MRPL42: variants seen among roughly 807,000 people sequenced by gnomAD.
MRPL42 encodes the protein mitochondrial ribosomal protein L42, also known as large ribosomal subunit protein mL42.
In MRPL42, 17 loss-of-function variants were observed where a neutral mutation model predicts 17.9. That is an observed-to-expected ratio of 0.95 (90% CI 0.65 to 1.42). MRPL42 has a LOEUF of 1.42. MRPL42 is among the 40% of genes most tolerant of loss of function. The pLI is 0.00. For missense variants in MRPL42, 177 were observed against 175.2 expected (o/e 1.01, Z -0.06); for synonymous variants, 59 against 54.4 (o/e 1.08, Z -0.37).
chr12:93,484,977 CACATATATATATATATATATAT>C lies in MRPL42; in HGVS notation c.220-2518_220-2497del, dbSNP rs1246798938. ...TTTTTAAAAAACACACACACACACA[CACATATATATATATATATATAT>C]ATATATATATATATATATATATATA... On this transcript the variant is annotated intron_variant, in intron 4 of 5. Coordinates refer to ENST00000549982, the MANE Select transcript of MRPL42 (RefSeq NM_014050.4). 2.8e-3 allele frequency among the ~76,000 whole-genome samples: 81 copies of C among 28,604 alleles called. 8 individuals are homozygous for C. Among genetic ancestry groups the C allele is most frequent in the African/African-American group, 5.9e-3 (63 of 10,658 alleles). The allele number at this position is 28,604 out of a possible 152,430, so 18.8% of individuals were successfully genotyped here. A position where few individuals can be genotyped will look rare whatever the true frequency, so the allele number is the denominator to read the frequency against.
At chr12:93,490,272 A>G (rs905567323) in intron 5 of MRPL42, among the ~76,000 whole-genome samples, 2 of 152,164 alleles carry the variant, frequency 1.3e-5, no homozygotes, top group African/African-American at 4.8e-5. Context: ...GTTTAATCTT[A>G]TTTACTTAAT....
intron 5 of MRPL42, among the ~76,000 whole-genome samples, chr12:93,495,918 G>A (rs1398183751): frequency 6.6e-6 from 1 of 152,150 alleles, no homozygotes; most frequent in Non-Finnish European, 1.5e-5. Context: ...TTTCAAAGAG[G>A]AACTGAACAC....
chr12:93,496,645 A>T (rs925812465), intron 5 of MRPL42, among the ~76,000 whole-genome samples: 1 of 64,428 alleles, frequency 1.6e-5, no homozygotes, highest in Non-Finnish European at 4.0e-5. Flanking sequence ...AGATTAGGTA[A>T]AAAAAAAAAA....
chr12:93,478,910 T>TGTTA (rs1880317172), intron 3 of MRPL42, among the ~76,000 whole-genome samples: 2 of 91,370 alleles, frequency 2.2e-5, no homozygotes, highest in African/African-American at 5.8e-5. Flanking sequence ...TAATTTTAGC[T>TGTTA]TTTATTTATT....
Position 93,501,412 on chromosome 12 carries a change from T to G in MRPL42, c.*191T>G. 1 of 399,366 alleles carries G rather than the reference T, an allele frequency of 2.5e-6. No individual in the cohort carries two copies. The highest frequency in any genetic ancestry group is 9.8e-5 in the South Asian group (1 of 10,174). The allele number at this position is 399,366 out of a possible 1,614,324, so 24.7% of individuals were successfully genotyped here. A position where few individuals can be genotyped will look rare whatever the true frequency, so the allele number is the denominator to read the frequency against. ...CATTTAGAGAAACCTATTTTCTTTT[T>G]TCTTTTTCTATTTTAGTGTTTCATT... is the stretch of plus-strand genomic sequence containing the variant. On this transcript the variant is annotated 3_prime_UTR_variant, in exon 6 of 6. Transcript: ENST00000549982.
In MRPL42 at chr12:93,514,692, T is replaced by A. The variant is rs1186020204; in HGVS notation, c.*13471T>A. Reference sequence around the variant, plus strand: ...TCTATATGAAATAAATTTACTCCTATTTGAAAATATTTGTCATATTCCTTC... The same window carrying A: ...TCTATATGAAATAAATTTACTCCTAATTGAAAATATTTGTCATATTCCTTC... On this transcript the variant is annotated 3_prime_UTR_variant, in exon 6 of 6. Transcript: ENST00000549982. 2 of 152,352 alleles carry A rather than the reference T, an allele frequency of 1.3e-5. No individual in the cohort carries two copies. The allele number at this position is 152,352 out of a possible 1,614,324, so 9.4% of individuals were successfully genotyped here.
rs1421365887 is a variant in MRPL42 at position 93,505,533 on chromosome 12, C to T, written c.*4312C>T. ...AAGTTCAAAATAACTTGCTCATAGT[C>T]TTCCCAAAATAATTTTCAAACATTC... On this transcript the variant is annotated 3_prime_UTR_variant, in exon 6 of 6. Transcript: ENST00000549982. 6.6e-6 allele frequency: 1 copy of T among 151,930 alleles called. No homozygotes were observed. Among genetic ancestry groups the T allele is most frequent in the Non-Finnish European group, 1.5e-5 (1 of 67,990 alleles). 9.4% of individuals were successfully genotyped at this position (151,930 alleles called of 1,614,324 possible).
At chr12:93,469,979 CTT>C (rs5800107) in intron 2 of MRPL42, among the ~76,000 whole-genome samples, 219 of 145,796 alleles carry the variant, frequency 1.5e-3, no homozygotes, top group Admixed American at 1.8e-3. Flanking sequence ...GTATTTCTCT[CTT>C]TTTTTTTTTT....
At chr12:93,487,798 C>CTT (rs139138639) in intron 5 of MRPL42, 138 bp downstream of exon 5, 1,191 of 667,570 alleles carry the variant, frequency 1.8e-3, no homozygotes, top group Non-Finnish European at 2.2e-3. Context: ...CTATGTTGTA[C>CTT]TTTTTTTTTC....
chr12:93,478,590 C>T (rs1327278950), intron 3 of MRPL42, among the ~76,000 whole-genome samples: 2 of 152,030 alleles, frequency 1.3e-5, no homozygotes, highest in Non-Finnish European at 2.9e-5. Flanking sequence ...ACTATAATAG[C>T]GATGAAATTG....
chr12:93,475,229 C>G (rs2121177323), intron 2 of MRPL42, among the ~76,000 whole-genome samples: 1 of 151,958 alleles, frequency 6.6e-6, no homozygotes, highest in East Asian at 1.9e-4. Context: ...ATTCTCCTGT[C>G]TTAGCCTCCC....
At position 93,503,382 on chromosome 12, in the gene MRPL42, AT is replaced by A. The variant is rs34413435; in HGVS notation, c.*2176del. 101,714 of 148,588 alleles carry A rather than the reference AT, an allele frequency of 0.68. 34,632 individuals carry two copies. The highest frequency in any genetic ancestry group is 0.72 in the Middle Eastern group (208 of 288). 9.2% of individuals were successfully genotyped at this position (148,588 alleles called of 1,614,324 possible). A position where few individuals can be genotyped will look rare whatever the true frequency, so the allele number is the denominator to read the frequency against. ...CTGAGTAGACCAATAGCAAAAACTG[AT>A]TTTTTTTTTTTTTTAAAGAAAAGGT... On this transcript the variant is annotated 3_prime_UTR_variant, in exon 6 of 6. Coordinates refer to ENST00000549982, the MANE Select transcript of MRPL42 (RefSeq NM_014050.4).
Position 93,509,744 on chromosome 12 carries a change from G to C in MRPL42, c.*8523G>C, listed in dbSNP as rs1339378137. The C allele has an allele frequency of 2.6e-5, 4 of 151,438 alleles. No individual in the cohort carries two copies. The highest frequency in any genetic ancestry group is 5.9e-5 in the Non-Finnish European group (4 of 67,972). 9.4% of individuals were successfully genotyped at this position (151,438 alleles called of 1,614,324 possible). On this transcript the variant is annotated 3_prime_UTR_variant, in exon 6 of 6. Coordinates refer to ENST00000549982, the MANE Select transcript of MRPL42 (RefSeq NM_014050.4). ...GTGAATAGCCACTGCACTGCAGCCT[G>C]GGCAACATAGTGAGATCCTCATCTC...
chr12:93,478,043 A>G (rs1437754950), intron 3 of MRPL42, among the ~76,000 whole-genome samples: 2 of 152,074 alleles, frequency 1.3e-5, no homozygotes, highest in Non-Finnish European at 2.9e-5. Context: ...TGCAGCCTCA[A>G]CTTCTGAGGT....
rs4020795 is a variant in MRPL42, at chr12:93,484,979, CATATATATATATAT to C, written c.220-2482_220-2469del. Among the ~76,000 whole-genome samples, 137 of 22,470 alleles carry C rather than the reference CATATATATATATAT, an allele frequency of 6.1e-3. 12 individuals carry two copies. Among genetic ancestry groups the C allele is most frequent in the East Asian group, 0.013 (11 of 836 alleles). The allele number at this position is 22,470 out of a possible 152,430, so 14.7% of individuals were successfully genotyped here. A position where few individuals can be genotyped will look rare whatever the true frequency, so the allele number is the denominator to read the frequency against. ...TTTAAAAAACACACACACACACACA[CATATATATATATAT>C]ATATATATATATATATATATATATA... is the stretch of plus-strand genomic sequence containing the variant. On this transcript the variant is annotated intron_variant, in intron 4 of 5. Transcript: ENST00000549982.
At position 93,477,036 on chromosome 12, in the gene MRPL42, T is replaced by C. The variant is rs759249531; in HGVS notation, c.134+19T>C. ...ATAATTGGTATGTATTAAAATTCAA[T>C]TGAAGAAATAATAGTCTTAGCTATA... On this transcript the variant is annotated intron_variant, in intron 3 of 5. Transcript: ENST00000549982. The C allele has an allele frequency of 6.6e-6, 10 of 1,515,666 alleles. No individual in the cohort carries two copies. In the East Asian group the frequency reaches 9.2e-5, roughly 14 times the overall value. 93.9% of individuals were successfully genotyped at this position (1,515,666 alleles called of 1,614,324 possible).
At position 93,469,246 on chromosome 12, in the gene MRPL42, C is replaced by G; in HGVS notation, c.-40C>G. The G allele has an allele frequency of 6.6e-7, 1 of 1,523,006 alleles. No individual in the cohort carries two copies. Among genetic ancestry groups the G allele is most frequent in the Non-Finnish European group, 9.0e-7 (1 of 1,115,602 alleles). 94.3% of individuals were successfully genotyped at this position (1,523,006 alleles called of 1,614,324 possible). On this transcript the variant is annotated 5_prime_UTR_variant, in exon 2 of 6. Transcript: ENST00000549982. ...TTCTAAAAGCAGTTTCTCTTCAGAA[C>G]ATCTTTTTTCATACCACTTGATAAG...
chr12:93,482,067 C>G (rs959997107), intron 4 of MRPL42, among the ~76,000 whole-genome samples: 1 of 152,162 alleles, frequency 6.6e-6, no homozygotes, highest in South Asian at 2.1e-4. Context: ...TAAGTAATCA[C>G]TCCTACAAGT....
Position 93,470,355 on chromosome 12 carries a change from A to G in MRPL42, c.70+1000A>G, listed in dbSNP as rs994815352. ...CTTTTCCTGTCTGTAAACAGAGTTT[A>G]TAGCTCTTATAAACAGCTCTTATAG... On this transcript the variant is annotated intron_variant, in intron 2 of 5. Transcript: ENST00000549982. 1.1e-5 allele frequency: 9 copies of G among 806,550 alleles called. No individual in the cohort carries two copies. In the African/African-American group the frequency reaches 1.6e-4, roughly 15 times the overall value. 50.0% of individuals were successfully genotyped at this position (806,550 alleles called of 1,614,324 possible).
Sources: gnomAD v4.1 joint callset for allele counts (sites outside exome capture counted in the v4.1 genomes callset) on GRCh38, gnomAD v4.1.1 for gene constraint, MANE v1.5 for transcripts, NCBI Gene and HGNC (gene_info 2026-07-23, HGNC 2026-07-21) for gene names.